GRIK2: variants seen among roughly 807,000 people sequenced by gnomAD.
The protein encoded by GRIK2 is glutamate ionotropic receptor kainate type subunit 2.
A neutral mutation model predicts 100.3 loss-of-function variants in GRIK2; 32 were observed. That is an observed-to-expected ratio of 0.32 (90% CI 0.24 to 0.43). The LOEUF is 0.43. Among genes scored for constraint, GRIK2 ranks in the 20% least tolerant of loss-of-function variants. GRIK2 has a pLI of 1.00. For missense variants in GRIK2, 843 were observed against 1,114.9 expected (o/e 0.76, Z 3.47); for synonymous variants, 417 against 389.4 (o/e 1.07, Z -0.83).
intron 2 of GRIK2, among the ~76,000 whole-genome samples, chr6:101,552,471 C>A (rs1427917342): frequency 4.6e-5 from 7 of 152,032 alleles, no homozygotes; most frequent in Admixed American, 1.3e-4. Context: ...TCCCAGGGAG[C>A]CCCTCCTAAC....
intron 5 of GRIK2, among the ~76,000 whole-genome samples, chr6:101,681,172 A>G (rs1279019781): frequency 2.0e-5 from 3 of 152,160 alleles, no homozygotes. Context: ...TTTATGAGGT[A>G]TATGGGATAT....
chr6:101,866,377 A>G (rs1389565985), intron 11 of GRIK2, among the ~76,000 whole-genome samples: 1 of 152,150 alleles, frequency 6.6e-6, no homozygotes, highest in African/African-American at 2.4e-5. Flanking sequence ...CTTTTCCATA[A>G]TATATGCTTA....
At chr6:101,427,040 A>G (rs1337274782) in intron 2 of GRIK2, among the ~76,000 whole-genome samples, 1 of 152,162 alleles carries the variant, frequency 6.6e-6, no homozygotes, top group Non-Finnish European at 1.5e-5. Context: ...CATGCCTTAA[A>G]ATGTTAGTTG....
At chr6:101,623,037 C>T (rs1780239929) in intron 3 of GRIK2, among the ~76,000 whole-genome samples, 1 of 152,018 alleles carries the variant, frequency 6.6e-6, no homozygotes, top group African/African-American at 2.4e-5. Context: ...AAGGAAAAGG[C>T]TTATAAAGTG....
chr6:101,480,423 T>A (rs1430586207), intron 2 of GRIK2, among the ~76,000 whole-genome samples: 1 of 152,096 alleles, frequency 6.6e-6, no homozygotes, highest in Non-Finnish European at 1.5e-5. Flanking sequence ...TTTCCTCTCT[T>A]AGCATCCTAT....
At chr6:101,484,700 T>C (rs1249171581) in intron 2 of GRIK2, among the ~76,000 whole-genome samples, 1 of 152,034 alleles carries the variant, frequency 6.6e-6, no homozygotes, top group Non-Finnish European at 1.5e-5. Context: ...TTATTGTGAG[T>C]TATTGGGATT....
chr6:101,638,822 G>GA (rs920893168), intron 4 of GRIK2, among the ~76,000 whole-genome samples: 103 of 146,124 alleles, frequency 7.0e-4, no homozygotes, highest in African/African-American at 1.2e-3. Flanking sequence ...AGTCTCTACA[G>GA]AAAAAAAAAA....
At chr6:101,951,433 C>A (rs1791598887) in intron 14 of GRIK2, among the ~76,000 whole-genome samples, 1 of 152,128 alleles carries the variant, frequency 6.6e-6, no homozygotes, top group Non-Finnish European at 1.5e-5. Context: ...TGGTATAATG[C>A]ACAAATGGGT....
intron 2 of GRIK2, among the ~76,000 whole-genome samples, chr6:101,601,877 C>A (rs764437670): frequency 1.3e-5 from 2 of 151,510 alleles, no homozygotes; most frequent in Non-Finnish European, 2.9e-5. Flanking sequence ...TTTCAAGGGA[C>A]CAAATTTTAG....
chr6:101,971,125 G>T (rs1015915146), intron 14 of GRIK2, among the ~76,000 whole-genome samples: 12 of 145,912 alleles, frequency 8.2e-5, no homozygotes, highest in African/African-American at 3.1e-4. Flanking sequence ...TCAGAAATTG[G>T]AAAATATTTG....
intron 2 of GRIK2, among the ~76,000 whole-genome samples, chr6:101,548,244 C>T (rs1776344153): frequency 6.6e-6 from 1 of 152,112 alleles, no homozygotes; most frequent in African/African-American, 2.4e-5. Flanking sequence ...GAGTAGATTG[C>T]AAAAATTGTC....
chr6:101,430,101 A>T (rs114186244), intron 2 of GRIK2, among the ~76,000 whole-genome samples: 172 of 152,282 alleles, frequency 1.1e-3, no homozygotes, highest in African/African-American at 3.8e-3. Context: ...TGCTGGGCAC[A>T]CAGACTCACC....
At chr6:101,495,165 C>A (rs1176697534) in intron 2 of GRIK2, among the ~76,000 whole-genome samples, 1 of 151,746 alleles carries the variant, frequency 6.6e-6, no homozygotes. Context: ...ATCTACAAAT[C>A]TATTTATCTA....
At chr6:101,838,999 A>T (rs976130954) in intron 10 of GRIK2, among the ~76,000 whole-genome samples, 12 of 141,034 alleles carry the variant, frequency 8.5e-5, no homozygotes, top group Admixed American at 2.1e-4. Context: ...TTTTTTTTTT[A>T]ATTGAATGAG....
chr6:101,940,959 C>T (rs1790919901), intron 14 of GRIK2, among the ~76,000 whole-genome samples: 1 of 151,924 alleles, frequency 6.6e-6, no homozygotes, highest in Admixed American at 6.6e-5. Context: ...TAACCTTTGC[C>T]TCATATAAGA....
At chr6:101,857,645 G>A (rs894933561) in intron 10 of GRIK2, among the ~76,000 whole-genome samples, 3 of 152,196 alleles carry the variant, frequency 2.0e-5, no homozygotes, top group African/African-American at 7.2e-5. Flanking sequence ...CTTCCTCTAA[G>A]ATAACAGGGG....
chr6:101,879,226 A>G (rs538097031), intron 11 of GRIK2, among the ~76,000 whole-genome samples: 1 of 152,174 alleles, frequency 6.6e-6, no homozygotes, highest in East Asian at 1.9e-4. Flanking sequence ...CCATGTACAC[A>G]AAGAAAGACA....
intron 2 of GRIK2, among the ~76,000 whole-genome samples, chr6:101,480,174 C>A (rs1205643194): frequency 6.6e-6 from 1 of 152,108 alleles, no homozygotes; most frequent in Non-Finnish European, 1.5e-5. Flanking sequence ...TGTTATGGAT[C>A]ACTTCAACTC....
chr6:101,818,335 T>A (rs371470629), intron 9 of GRIK2, 35 bp from the exon 10 acceptor site: 2 of 1,185,102 alleles, frequency 1.7e-6, no homozygotes, highest in Non-Finnish European at 2.5e-6. Context: ...ACGTGCCTGA[T>A]GGACAATTTA....
Sources: gnomAD v4.1 joint callset for allele counts (sites outside exome capture counted in the v4.1 genomes callset) on GRCh38, gnomAD v4.1.1 for gene constraint, MANE v1.5 for transcripts, NCBI Gene and HGNC (gene_info 2026-07-23, HGNC 2026-07-21) for gene names.